The following TNFRSF10A variants were observed in gnomAD, a reference collection of about 807,000 sequenced individuals.
TNFRSF10A encodes TNF receptor superfamily member 10a, also known as tumor necrosis factor receptor superfamily member 10A.
Under a neutral mutation model 42.8 loss-of-function variants are expected in TNFRSF10A, and 44 were observed. The observed-to-expected ratio is 1.03, with a 90% confidence interval of 0.81 to 1.32. The LOEUF (loss-of-function observed/expected upper bound fraction) is 1.32. TNFRSF10A is among the 40% of genes most tolerant of loss of function. The pLI is 0.00. For synonymous variants in TNFRSF10A, 259 were observed against 234.2 expected (o/e 1.11, Z -0.97); for missense variants, 680 against 602.0 (o/e 1.13, Z -1.36).
intron 1 of TNFRSF10A, among the ~76,000 whole-genome samples, chr8:23,221,882 T>C (rs1336774145): frequency 6.6e-6 from 1 of 151,182 alleles, no homozygotes; most frequent in Non-Finnish European, 1.5e-5. Flanking sequence ...GTGTATTCTT[T>C]TTTTTTTTTC....
At chr8:23,202,826 G>A (rs1484515168) in intron 2 of TNFRSF10A, 65 bp from the exon 3 acceptor site, 12 of 1,140,378 alleles carry the variant, frequency 1.1e-5, no homozygotes, top group Non-Finnish European at 1.6e-5. Context: ...CGTGGCGGTG[G>A]CTAGGAAACT....
At position 23,199,910 on chromosome 8, in the gene TNFRSF10A, T is replaced by C; in HGVS notation, c.807A>G (p.Gly269=). The C allele has an allele frequency of 6.2e-7, 1 of 1,613,948 alleles. No individual in the cohort carries two copies. The highest frequency in any genetic ancestry group is 8.5e-7 in the Non-Finnish European group (1 of 1,179,948). Residue 269 remains glycine (G), a synonymous_variant, in exon 7 of 10, where the codon GGA becomes GGG. Transcript: ENST00000221132. ...IVCCCIGSGC[G]GDPKCMDRVC... is the part of the protein sequence containing the mutation. Reference sequence around the variant, plus strand: ...CCCTGTCCATGCACTTGGGGTCCCCTCCACAACCTAGAAGAGAAGACGGTT... The same window carrying C: ...CCCTGTCCATGCACTTGGGGTCCCCCCCACAACCTAGAAGAGAAGACGGTT...
At chr8:23,214,841 C>T (rs1801154585) in intron 1 of TNFRSF10A, among the ~76,000 whole-genome samples, 1 of 152,170 alleles carries the variant, frequency 6.6e-6, no homozygotes, top group African/African-American at 2.4e-5. Context: ...TTTAAAAAGG[C>T]ACTTTACAAA....
At chr8:23,223,724 A>C (rs1222835216) in intron 1 of TNFRSF10A, among the ~76,000 whole-genome samples, 1 of 152,252 alleles carries the variant, frequency 6.6e-6, no homozygotes, top group African/African-American at 2.4e-5. Flanking sequence ...ACATAGAAGG[A>C]ATCTGGATGA....
rs537014348 is a variant in TNFRSF10A, at chr8:23,195,152, C to T, written c.1087+1980G>A. On this transcript the variant is annotated intron_variant, in intron 9 of 9. Transcript: ENST00000221132. ...CCAGCGTGGGTGACAGAGTGAGACT[C>T]TGTCTCAAAACAAAAAAAGAAGAAA... Among the ~76,000 whole-genome samples, 4 of 152,236 alleles carry T rather than the reference C, an allele frequency of 2.6e-5. No homozygotes were observed. In the East Asian group the frequency reaches 7.7e-4, roughly 29 times the overall value.
chr8:23,199,203 G>C (rs1220030936), intron 8 of TNFRSF10A, 63 bp downstream of exon 8: 1 of 1,567,306 alleles, frequency 6.4e-7, no homozygotes, highest in Non-Finnish European at 8.7e-7. Flanking sequence ...TTGACCAGGA[G>C]AGCCGAGGCA....
chr8:23,205,700 T>C (rs1051035931), intron 2 of TNFRSF10A, among the ~76,000 whole-genome samples: 4 of 144,552 alleles, frequency 2.8e-5, no homozygotes, highest in African/African-American at 9.9e-5. Flanking sequence ...CCTAGGTTAA[T>C]GTCTGTGTTT....
chr8:23,216,936 A>G (rs900169208), intron 1 of TNFRSF10A, among the ~76,000 whole-genome samples: 3 of 152,198 alleles, frequency 2.0e-5, no homozygotes, highest in Admixed American at 2.0e-4. Context: ...GATTTGTTTT[A>G]TAGTTCACAA....
At chr8:23,194,974 C>T (rs1414325490) in intron 9 of TNFRSF10A, among the ~76,000 whole-genome samples, 2 of 152,098 alleles carry the variant, frequency 1.3e-5, no homozygotes, top group Non-Finnish European at 2.9e-5. Flanking sequence ...GACTGGCCAA[C>T]GTGGCAAAAC....
At chr8:23,216,094 A>G (rs1360004824) in intron 1 of TNFRSF10A, among the ~76,000 whole-genome samples, 3 of 152,154 alleles carry the variant, frequency 2.0e-5, no homozygotes, top group Non-Finnish European at 2.9e-5. Flanking sequence ...CTGGGATTAC[A>G]GGGATGAGCC....
chr8:23,215,543 TAAAC>T (rs1194687558), intron 1 of TNFRSF10A, among the ~76,000 whole-genome samples: 3 of 151,562 alleles, frequency 2.0e-5, no homozygotes, highest in Non-Finnish European at 4.4e-5. Flanking sequence ...AATAAATAAA[TAAAC>T]AAACAAAACA....
At chr8:23,198,521 C>T (rs559211489) in intron 8 of TNFRSF10A, among the ~76,000 whole-genome samples, 2 of 151,920 alleles carry the variant, frequency 1.3e-5, no homozygotes, top group South Asian at 4.2e-4. Flanking sequence ...CAGGCCTTCT[C>T]ATAAAGACTC....
rs557346009 is a variant in TNFRSF10A, at chr8:23,220,192, C to T, written c.306+4564G>A. 4.2e-3 allele frequency among the ~76,000 whole-genome samples: 633 copies of T among 152,304 alleles called. 9 individuals carry two copies. Among genetic ancestry groups the T allele is most frequent in the Non-Finnish European group, 3.3e-3 (226 of 68,022 alleles). The stretch of plus-strand genomic sequence containing the variant: ...CCAACAGGCAGCTGCTATTATCAAG[C>T]AGGCCAGGTCCCAAATGCTGGGGAC... On this transcript the variant is annotated intron_variant, in intron 1 of 9. Coordinates refer to ENST00000221132, the MANE Select transcript of TNFRSF10A (RefSeq NM_003844.4).
intron 1 of TNFRSF10A, among the ~76,000 whole-genome samples, chr8:23,223,866 C>T (rs1801291339): frequency 6.6e-6 from 1 of 152,212 alleles, no homozygotes; most frequent in Non-Finnish European, 1.5e-5. Flanking sequence ...GGCTGCCTGC[C>T]TCGTGGTGGT....
intron 9 of TNFRSF10A, among the ~76,000 whole-genome samples, chr8:23,192,785 A>G (rs1453917387): frequency 6.6e-6 from 1 of 152,234 alleles, no homozygotes; most frequent in Non-Finnish European, 1.5e-5. Context: ...ATTGTCCCAT[A>G]GAAAGGTTTT....
intron 9 of TNFRSF10A, among the ~76,000 whole-genome samples, chr8:23,193,862 A>G (rs1335181748): frequency 6.6e-6 from 1 of 152,212 alleles, no homozygotes; most frequent in Admixed American, 6.5e-5. Context: ...TTTGGCTCCA[A>G]TATTGCTTGG....
In TNFRSF10A at chr8:23,224,768, C is replaced by T. The variant is rs751016584; in HGVS notation, c.294G>A (p.Gly98=). ...GGTGGGGACTCACCTGCAGCAGGAC[C>T]CCGACGACGACAAACTTGAAGGTCT... ...VHKTFKFVVV[G]VLLQVVPSSA... The change falls in exon 1 of 10, where the codon GGG becomes GGA. Residue 98 remains glycine (G), a synonymous_variant. Coordinates refer to ENST00000221132, the MANE Select transcript of TNFRSF10A (RefSeq NM_003844.4). 1 of 1,567,244 alleles carries T rather than the reference C, an allele frequency of 6.4e-7. No individual in the cohort carries two copies. The highest frequency in any genetic ancestry group is 8.6e-7 in the Non-Finnish European group (1 of 1,156,230).
intron 2 of TNFRSF10A, among the ~76,000 whole-genome samples, chr8:23,211,359 T>G (rs1230364481): frequency 4.6e-5 from 7 of 152,106 alleles, no homozygotes; most frequent in Admixed American, 6.5e-5. Context: ...AACCCAAAAT[T>G]TATAGTCTGC....
intron 9 of TNFRSF10A, among the ~76,000 whole-genome samples, chr8:23,193,348 C>G (rs1307329626): frequency 6.6e-6 from 1 of 152,214 alleles, no homozygotes; most frequent in East Asian, 1.9e-4. Context: ...CCCACTGCAG[C>G]CGGCCCCAAC....
Sources: gnomAD v4.1 joint callset for allele counts (sites outside exome capture counted in the v4.1 genomes callset) on GRCh38, gnomAD v4.1.1 for gene constraint, MANE v1.5 for transcripts, NCBI Gene and HGNC (gene_info 2026-07-23, HGNC 2026-07-21) for gene names.